KIF20A: variants seen among roughly 807,000 people sequenced by gnomAD.
KIF20A encodes the protein kinesin-like protein KIF20A.
A neutral mutation model predicts 113.0 loss-of-function variants in KIF20A; 66 were observed. The observed-to-expected ratio is 0.58, with a 90% CI of 0.48 to 0.72. The LOEUF (loss-of-function observed/expected upper bound fraction) is 0.72. Ranked by LOEUF, KIF20A falls within the 30% of genes least tolerant of loss-of-function variation. KIF20A has a pLI of 0.00. For synonymous variants in KIF20A, 376 were observed against 402.3 expected (o/e 0.93, Z 0.78); for missense variants, 927 against 1,077.6 (o/e 0.86, Z 1.96).
At position 138,187,622 on chromosome 5, in the gene KIF20A, GCACA is replaced by G; in HGVS notation, c.*212_*215del. On this transcript the variant is annotated 3_prime_UTR_variant, in exon 19 of 19. Coordinates refer to ENST00000394894, the MANE Select transcript of KIF20A (RefSeq NM_005733.3). ...TTTTATTTACTTATATGATTTCTAT[GCACA>G]CAAAAACAGTTATATTAAAGATATT... is the stretch of plus-strand genomic sequence containing the variant. 2.3e-6 allele frequency: 1 copy of G among 442,616 alleles called. No homozygotes were observed. Among genetic ancestry groups the G allele is most frequent in the East Asian group, 3.6e-5 (1 of 27,732 alleles). The allele number at this position is 442,616 out of a possible 1,614,324, so 27.4% of individuals were successfully genotyped here.
At chr5:138,181,858 T>G in intron 4 of KIF20A, 130 bp downstream of exon 4, 262 of 911,010 alleles carry the variant, frequency 2.9e-4, no homozygotes, top group Non-Finnish European at 3.9e-4. Flanking sequence ...TTGAGGGCCC[T>G]AGTTATGTGT....
intron 11 of KIF20A, 54 bp downstream of exon 11, chr5:138,184,159 G>A: frequency 6.2e-7 from 1 of 1,612,106 alleles, no homozygotes; most frequent in Non-Finnish European, 8.5e-7. Context: ...AGACTTCCTG[G>A]ACACCACTGG....
At chr5:138,186,927 C>T (rs1472073572) in intron 18 of KIF20A, among the ~76,000 whole-genome samples, 169 bp from the exon 19 acceptor site, 1 of 152,184 alleles carries the variant, frequency 6.6e-6, no homozygotes, top group East Asian at 1.9e-4. Context: ...GTTTTGTTCT[C>T]AGAAAATGTC....
Position 138,183,491 on chromosome 5 carries a change from A to G in KIF20A, c.1049A>G (p.Gln350Arg), listed in dbSNP as rs776135484. 5.0e-6 allele frequency: 8 copies of G among 1,614,182 alleles called. No homozygotes were observed. Among genetic ancestry groups the G allele is most frequent in the Admixed American group, 1.7e-5 (1 of 60,008 alleles). ...CCAGATCTCAACTGGATTCATGTGC[A>G]AGATGCTGAGGAGGCCTGGAAGCTC... ...YVKDLNWIHVQDAEEAWKLLK... is the reference protein window; with the variant it reads ...YVKDLNWIHVRDAEEAWKLLK... Residue 350 changes from glutamine (Q) to arginine (R), a missense_variant, in exon 9 of 19, where the codon CAA becomes CGA. Coordinates refer to ENST00000394894, the MANE Select transcript of KIF20A (RefSeq NM_005733.3). This position sits in a 1 kb window ranked among gnomAD's most constrained non-coding sequence, Gnocchi z 5.2.
chr5:138,184,463 T>C, intron 12 of KIF20A, 49 bp from the exon 13 acceptor site: 1 of 1,611,436 alleles, frequency 6.2e-7, no homozygotes, highest in Non-Finnish European at 8.5e-7. Context: ...CTAAGAAAGC[T>C]CCTAGGGACT....
intron 4 of KIF20A, 108 bp from the exon 5 acceptor site, chr5:138,182,215 A>G: frequency 8.2e-7 from 1 of 1,221,044 alleles, no homozygotes. Context: ...AAGCTGCTTG[A>G]GTGGTCTCCA....
rs1375365899 is a variant in KIF20A at position 138,183,228 on chromosome 5, C to T, written c.892C>T (p.Arg298Cys). Residue 298 changes from arginine to cysteine, a missense_variant, in exon 8 of 19, where the codon CGC becomes TGC. Coordinates refer to ENST00000394894, the MANE Select transcript of KIF20A (RefSeq NM_005733.3). This position sits in a 1 kb window ranked among gnomAD's most constrained non-coding sequence, Gnocchi z 5.2. ...CCCACTACCTGTCCCGGCAAACATT[C>T]GCTTCTCCATCTGGATCTCATTCTT... ...TAPLPVPANI[R>C]FSIWISFFEI... 13 of 1,614,098 alleles carry T rather than the reference C, an allele frequency of 8.1e-6. No homozygotes were observed. The highest frequency in any genetic ancestry group is 2.2e-5 in the East Asian group (1 of 44,896).
intron 12 of KIF20A, 54 bp downstream of exon 12, chr5:138,184,458 A>G: frequency 6.2e-7 from 1 of 1,612,232 alleles, no homozygotes; most frequent in Non-Finnish European, 8.5e-7. Flanking sequence ...TAACTCTAAG[A>G]AAGCTCCTAG....
At position 138,183,155 on chromosome 5, in the gene KIF20A, G is replaced by A. The variant is rs1318689339; in HGVS notation, c.833-14G>A. The A allele has an allele frequency of 6.2e-7, 1 of 1,613,346 alleles. No homozygotes were observed. The highest frequency in any genetic ancestry group is 1.1e-5 in the South Asian group (1 of 90,916). The stretch of plus-strand genomic sequence containing the variant: ...GCTCTAGGTTGATGCCCTATACATT[G>A]GCTTCTTCTCCAGAAACAAGTCATC... On this transcript the variant is annotated splice_polypyrimidine_tract_variant and intron_variant, in intron 7 of 18. Transcript: ENST00000394894. The surrounding 1 kb of genome is among the most constrained non-coding windows in gnomAD (Gnocchi z 5.2).
chr5:138,181,793 G>C lies in KIF20A; in HGVS notation c.375+65G>C. On this transcript the variant is annotated intron_variant, in intron 4 of 18. Transcript: ENST00000394894. ...TAAGGGCAACTTTATTCCCTCTTTA[G>C]AGGGAAAGCTTCTCTTCCTGACTGT... 18 of 1,587,236 alleles carry C rather than the reference G, an allele frequency of 1.1e-5. 1 individual carries two copies. The South Asian group carries it at 2.0e-4, about 18-fold the overall frequency.
Position 138,185,215 on chromosome 5 carries a change from A to G in KIF20A, c.1926+18A>G, listed in dbSNP as rs2151233833. On this transcript the variant is annotated intron_variant, in intron 15 of 18. Transcript: ENST00000394894. ...AGATTCAGGTGAGTTGCCCTGAGCCAGCTCCAATTAGCTGCTCAGATTTCC... is the reference window on the plus strand; with the variant it reads ...AGATTCAGGTGAGTTGCCCTGAGCCGGCTCCAATTAGCTGCTCAGATTTCC... 2.0e-6 allele frequency: 3 copies of G among 1,470,722 alleles called. No homozygotes were observed. The highest frequency in any genetic ancestry group is 2.3e-5 in the South Asian group (2 of 86,352). The allele number at this position is 1,470,722 out of a possible 1,614,324, so 91.1% of individuals were successfully genotyped here.
At position 138,184,286 on chromosome 5, in the gene KIF20A, T is replaced by C; in HGVS notation, c.1400T>C (p.Val467Ala). ...VPFRDSKLTR[V>A]FQGFFTGRGR... ...TTCCGTGACAGCAAGTTGACTCGAG[T>C]GTTCCAAGGTTTCTTCACAGGCCGA... Residue 467 changes from valine to alanine, a missense_variant, in exon 12 of 19, where the codon GTG becomes GCG. Coordinates refer to ENST00000394894, the MANE Select transcript of KIF20A (RefSeq NM_005733.3). 3 of 1,614,122 alleles carry C rather than the reference T, an allele frequency of 1.9e-6. No homozygotes were observed. Among genetic ancestry groups the C allele is most frequent in the East Asian group, 2.2e-5 (1 of 44,884 alleles).
rs757389109 is a variant in KIF20A at position 138,187,477 on chromosome 5, T to C, written c.*64T>C. 5.0e-5 allele frequency: 66 copies of C among 1,330,152 alleles called. No individual in the cohort carries two copies. The highest frequency in any genetic ancestry group is 5.8e-5 in the Non-Finnish European group (56 of 962,012). The allele number at this position is 1,330,152 out of a possible 1,614,324, so 82.4% of individuals were successfully genotyped here. On this transcript the variant is annotated 3_prime_UTR_variant, in exon 19 of 19. Coordinates refer to ENST00000394894, the MANE Select transcript of KIF20A (RefSeq NM_005733.3). ...TGGGTCAGCTACTCTCCTGAAGAAA[T>C]AGGTCTCTTTTATGCTTTACCATAT... is the stretch of plus-strand genomic sequence containing the variant.
chr5:138,183,618 C>G lies in KIF20A; in HGVS notation c.1139+37C>G, dbSNP rs200720946. 20 of 1,608,712 alleles carry G rather than the reference C, an allele frequency of 1.2e-5. No individual in the cohort carries two copies. The East Asian group carries it at 1.3e-4, about 11-fold the overall frequency. ...GTAAGAATAAACTCTTCACTGTGTT[C>G]CAGGAAACATTAGTCCTCTGCCTGG... On this transcript the variant is annotated intron_variant, in intron 9 of 18. Transcript: ENST00000394894. This position sits in a 1 kb window ranked among gnomAD's most constrained non-coding sequence, Gnocchi z 5.2.
intron 16 of KIF20A, 55 bp downstream of exon 16, chr5:138,185,765 T>C (rs1015020799): frequency 7.6e-6 from 12 of 1,577,242 alleles, no homozygotes; most frequent in Non-Finnish European, 9.6e-6. Flanking sequence ...GAGCTGTTAC[T>C]TAAACCCAGG....
chr5:138,186,962 C>A, intron 18 of KIF20A, 134 bp from the exon 19 acceptor site: 1 of 708,690 alleles, frequency 1.4e-6, no homozygotes, highest in South Asian at 2.0e-5. Flanking sequence ...TAAGCTCCGA[C>A]CTTAAAGAGT....
rs1432528478 is a variant in KIF20A, at chr5:138,183,142, T to C, written c.833-27T>C. Reference sequence around the variant, plus strand: ...AGAGAGGTGAACTGCTCTAGGTTGATGCCCTATACATTGGCTTCTTCTCCA... The same window carrying C: ...AGAGAGGTGAACTGCTCTAGGTTGACGCCCTATACATTGGCTTCTTCTCCA... On this transcript the variant is annotated intron_variant, in intron 7 of 18. Coordinates refer to ENST00000394894, the MANE Select transcript of KIF20A (RefSeq NM_005733.3). The surrounding 1 kb of genome is among the most constrained non-coding windows in gnomAD (Gnocchi z 5.2). 1.9e-6 allele frequency: 3 copies of C among 1,611,996 alleles called. No homozygotes were observed. In the South Asian group the frequency reaches 3.3e-5, roughly 18 times the overall value.
Position 138,181,448 on chromosome 5 carries a change from G to A in KIF20A, c.192G>A (p.Lys64=). ...QQVPSEDSME[K]VKVYLRVRPL... ...TTCCATCTGAGGACAGTATGGAGAA[G>A]GTGAAAGTATACTTGAGGGTTAGGC... The change falls in exon 3 of 19, where the codon AAG becomes AAA. Residue 64 remains lysine (K), a synonymous_variant. Coordinates refer to ENST00000394894, the MANE Select transcript of KIF20A (RefSeq NM_005733.3). The A allele has an allele frequency of 1.2e-6, 2 of 1,614,204 alleles. No individual in the cohort carries two copies. Among genetic ancestry groups the A allele is most frequent in the South Asian group, 2.2e-5 (2 of 91,084 alleles).
In KIF20A at chr5:138,184,036, G is replaced by T; in HGVS notation, c.1283G>T (p.Gly428Val). ...AGTGGTGAACGGTTGAAGGAAGCAG[G>T]AAACATTAACACCTCTCTACACACC... ...QKSGERLKEAGNINTSLHTLG... is the reference protein window; with the variant it reads ...QKSGERLKEAVNINTSLHTLG... The change falls in exon 11 of 19, where the codon GGA (glycine) becomes GTA (valine). Residue 428 changes from glycine (G) to valine (V), a missense_variant. Gly to Val is a moderately radical substitution (Grantham distance 109, BLOSUM62 -3). Coordinates refer to ENST00000394894, the MANE Select transcript of KIF20A (RefSeq NM_005733.3). The T allele has an allele frequency of 6.2e-7, 1 of 1,614,150 alleles. No homozygotes were observed. The highest frequency in any genetic ancestry group is 8.5e-7 in the Non-Finnish European group (1 of 1,180,026).
Sources: gnomAD v4.1 joint callset for allele counts (sites outside exome capture counted in the v4.1 genomes callset) on GRCh38, gnomAD v4.1.1 for gene constraint, Gnocchi (gnomAD v3.1) non-coding constraint, MANE v1.5 for transcripts, NCBI Gene and HGNC (gene_info 2026-07-23, HGNC 2026-07-21) for gene names.